MYO1H: variants seen among roughly 807,000 people sequenced by gnomAD.
MYO1H encodes the protein myosin IH, also known as unconventional myosin-Ih.
A neutral mutation model predicts 149.3 loss-of-function variants in MYO1H; 118 were observed. The observed-to-expected ratio is 0.79, with a 90% confidence interval of 0.68 to 0.92. MYO1H has a LOEUF of 0.92. MYO1H is among the 40% of genes least tolerant of loss of function. The probability of loss-of-function intolerance (pLI) is 0.00; values close to 1 mark genes in which losing one functional copy is unlikely to be tolerated. For synonymous variants in MYO1H, 447 were observed against 465.2 expected (o/e 0.96, Z 0.50); for missense variants, 1,212 against 1,280.7 (o/e 0.95, Z 0.82).
At chr12:109,383,247 G>A (rs1253208280) in intron 1 of MYO1H, among the ~76,000 whole-genome samples, 2 of 152,178 alleles carry the variant, frequency 1.3e-5, no homozygotes, top group African/African-American at 2.4e-5. Flanking sequence ...CAGCTTCAAG[G>A]CTTATCATCT....
chr12:109,395,543 G>A (rs1869851597), intron 3 of MYO1H, among the ~76,000 whole-genome samples: 1 of 152,048 alleles, frequency 6.6e-6, no homozygotes, highest in Non-Finnish European at 1.5e-5. Flanking sequence ...AGACCAGCCT[G>A]ATCAACATGG....
At chr12:109,415,210 C>T (rs1015740904) in intron 14 of MYO1H, among the ~76,000 whole-genome samples, 7 of 152,136 alleles carry the variant, frequency 4.6e-5, no homozygotes, top group Non-Finnish European at 1.0e-4. Context: ...GGCACGGTGG[C>T]TTAGGCCTGT....
At chr12:109,441,689 C>T in exon 26 of MYO1H, 1 of 1,612,110 alleles carries the variant, frequency 6.2e-7, no homozygotes. Context: ...TAAATCAACC[C>T]TTTGTCAACA....
At chr12:109,438,738 C>T in intron 23 of MYO1H, 118 bp downstream of exon 23, 1 of 740,338 alleles carries the variant, frequency 1.4e-6, no homozygotes, top group Non-Finnish European at 2.2e-6. Context: ...AGGAAAAACT[C>T]CCTTCAGAAT....
intron 30 of MYO1H, 62 bp from the exon 31 acceptor site, chr12:109,445,451 G>T: frequency 7.9e-7 from 1 of 1,263,096 alleles, no homozygotes; most frequent in South Asian, 1.4e-5. Context: ...TTCTTCTGTA[G>T]ACCAAAGGTT....
chr12:109,409,460 G>A (rs1332437020), intron 10 of MYO1H, 97 bp from the exon 11 acceptor site: 4 of 1,027,504 alleles, frequency 3.9e-6, no homozygotes, highest in Non-Finnish European at 6.2e-6. Context: ...GGACATATGA[G>A]CTTTAGCGCC....
intron 19 of MYO1H, among the ~76,000 whole-genome samples, chr12:109,432,274 G>T (rs1326214361): frequency 6.6e-6 from 1 of 152,200 alleles, no homozygotes; most frequent in Non-Finnish European, 1.5e-5. Flanking sequence ...AAAGTGCTGG[G>T]ATTACAGGCT....
chr12:109,361,637 C>T (rs12310564), intron 1 of MYO1H, among the ~76,000 whole-genome samples: 1 of 151,946 alleles, frequency 6.6e-6, no homozygotes, highest in Non-Finnish European at 1.5e-5. Context: ...AAAACCCTGT[C>T]TCTATGAAAA....
Position 109,360,942 on chromosome 12 carries a change from C to G in MYO1H, c.12+12970C>G, listed in dbSNP as rs114824072. ...CTTCCCAACCTATGAACACAACTCA[C>G]GTCTGTCAAGTTGTTCTCTTTTCCT... On this transcript the variant is annotated intron_variant, in intron 1 of 31. Coordinates refer to ENST00000310903, the Ensembl canonical transcript of MYO1H. 5.0e-3 allele frequency among the ~76,000 whole-genome samples: 757 copies of G among 152,288 alleles called. 7 individuals are homozygous for G. Among genetic ancestry groups the G allele is most frequent in the African/African-American group, 0.017 (719 of 41,556 alleles).
At chr12:109,376,639 G>A (rs987687100) in intron 1 of MYO1H, among the ~76,000 whole-genome samples, 6 of 152,148 alleles carry the variant, frequency 3.9e-5, no homozygotes, top group African/African-American at 7.2e-5. Flanking sequence ...TCTCTATTCT[G>A]TTACACTGGT....
intron 12 of MYO1H, 114 bp from the exon 13 acceptor site, chr12:109,410,574 G>A (rs1345908850): frequency 1.4e-6 from 1 of 706,320 alleles, no homozygotes; most frequent in Admixed American, 2.7e-5. Flanking sequence ...TTTGTTTAAG[G>A]TTGAATATAA....
At chr12:109,377,043 G>A (rs1869099657) in intron 1 of MYO1H, among the ~76,000 whole-genome samples, 1 of 152,150 alleles carries the variant, frequency 6.6e-6, no homozygotes, top group Non-Finnish European at 1.5e-5. Flanking sequence ...CAGATTCAGT[G>A]GCATTTTGTA....
At chr12:109,324,397 A>T in the MYO1H span, among the ~76,000 whole-genome samples, 1 of 152,226 alleles carries the variant, frequency 6.6e-6, no homozygotes, top group Admixed American at 6.5e-5. Context: ...CTACCTTTTG[A>T]TAGGGGAGTG....
chr12:109,354,558 T>A (rs1442006309), intron 1 of MYO1H: 1 of 150,226 alleles, frequency 6.7e-6, no homozygotes, highest in Admixed American at 6.7e-5. Context: ...AGGTGGAGAT[T>A]GCAGTGAGCC....
upstream of MYO1H, among the ~76,000 whole-genome samples, chr12:109,347,719 G>A (rs539624222): frequency 6.8e-4 from 103 of 152,140 alleles, 5 homozygotes; most frequent in South Asian, 0.02. Context: ...AAACTCAAGG[G>A]AGGTTGGGTT....
At chr12:109,395,431 G>A (rs1263342768) in intron 3 of MYO1H, among the ~76,000 whole-genome samples, 1 of 151,992 alleles carries the variant, frequency 6.6e-6, no homozygotes, top group East Asian at 1.9e-4. Flanking sequence ...CATAAATTTG[G>A]TGAACTTTAA....
intron 6 of MYO1H, among the ~76,000 whole-genome samples, chr12:109,403,188 A>G (rs79760721): frequency 0.079 from 12,064 of 152,254 alleles, 568 homozygotes; most frequent in Middle Eastern, 0.12. Context: ...TGCAAATTTT[A>G]TATCGGCCAC....
intron 26 of MYO1H, 146 bp from the exon 27 acceptor site, chr12:109,442,071 G>A: frequency 1.5e-6 from 1 of 685,096 alleles, no homozygotes; most frequent in Non-Finnish European, 2.6e-6. Flanking sequence ...AAAGGCAGAT[G>A]CTCAACTCTG....
chr12:109,362,016 A>G (rs1056026819), intron 1 of MYO1H, among the ~76,000 whole-genome samples: 18 of 152,134 alleles, frequency 1.2e-4, no homozygotes, highest in Non-Finnish European at 5.9e-5. Context: ...TCACGCAGCC[A>G]TGGGAGTCAT....
Sources: allele counts gnomAD v4.1 joint callset (sites outside exome capture counted in the v4.1 genomes callset), GRCh38; gene constraint gnomAD v4.1.1; transcripts MANE v1.5; gene names NCBI Gene and HGNC (gene_info 2026-07-23, HGNC 2026-07-21).